Variants in SV2C observed in about 807,000 individuals in gnomAD.
SV2C encodes the protein solute carrier family 22 member B3.
Under a neutral mutation model 79.7 loss-of-function variants are expected in SV2C, and 49 were observed. The ratio of observed to expected loss-of-function variants is 0.61; its 90% CI spans 0.49 to 0.78. The LOEUF (loss-of-function observed/expected upper bound fraction) is 0.78. Ranked by LOEUF, SV2C falls within the 30% of genes least tolerant of loss-of-function variation. The pLI is 0.00. For synonymous variants in SV2C, 334 were observed against 333.2 expected (o/e 1.00, Z -0.03); for missense variants, 833 against 912.9 (o/e 0.91, Z 1.13).
At chr5:76,168,101 G>A (rs1743098167) in intron 2 of SV2C, among the ~76,000 whole-genome samples, 1 of 152,058 alleles carries the variant, frequency 6.6e-6, no homozygotes, top group Admixed American at 6.5e-5. Flanking sequence ...TCACCCTCAG[G>A]CTTCTTGACC....
At chr5:76,035,766 T>C in the SV2C span, among the ~76,000 whole-genome samples, 1 of 152,144 alleles carries the variant, frequency 6.6e-6, no homozygotes, top group Non-Finnish European at 1.5e-5. Flanking sequence ...TTAGGTCTGC[T>C]TGGTGCAGAG....
chr5:76,052,108 TG>T, the SV2C span, among the ~76,000 whole-genome samples: 367 of 152,272 alleles, frequency 2.4e-3, 2 homozygotes, highest in African/African-American at 7.8e-3. Flanking sequence ...TTGACACCAT[TG>T]GGAGCTATAT....
chr5:76,330,133 C>T lies in SV2C; in HGVS notation c.*4586C>T, dbSNP rs560285385. On this transcript the variant is annotated 3_prime_UTR_variant, in exon 13 of 13. Transcript: ENST00000502798. ...TGTCCCTTCATTGTTTCAGGTATGG[C>T]GTAACAGTTCTCCGTGTGATGTTCT... The T allele has an allele frequency of 1.3e-5, 2 of 151,692 alleles. No individual in the cohort carries two copies. The highest frequency in any genetic ancestry group is 6.6e-5 in the Admixed American group (1 of 15,246). 9.4% of individuals were successfully genotyped at this position (151,692 alleles called of 1,614,324 possible). A position where few individuals can be genotyped will look rare whatever the true frequency, so the allele number is the denominator to read the frequency against.
the SV2C span, among the ~76,000 whole-genome samples, chr5:75,926,718 T>A: frequency 6.6e-6 from 1 of 152,212 alleles, no homozygotes; most frequent in South Asian, 2.1e-4. Context: ...ATATGATCTG[T>A]ATTCCTGCCA....
At chr5:76,320,856 C>T (rs1331620681) in intron 12 of SV2C, among the ~76,000 whole-genome samples, 7 of 152,202 alleles carry the variant, frequency 4.6e-5, no homozygotes, top group Non-Finnish European at 7.4e-5. Context: ...TTCTTTCAGT[C>T]AGAGATTCTG....
the SV2C span, among the ~76,000 whole-genome samples, chr5:76,074,089 T>G: frequency 6.6e-6 from 1 of 152,128 alleles, no homozygotes; most frequent in Non-Finnish European, 1.5e-5. Context: ...CATTCAGAAC[T>G]TCCTCTGCAG....
At position 76,291,673 on chromosome 5, in the gene SV2C, A is replaced by C; in HGVS notation, c.1249-95A>C. On this transcript the variant is annotated intron_variant, in intron 7 of 12. Transcript: ENST00000502798. ...AAGGTGAAATGAATCCAACCCAATG[A>C]CAACTCAGCATTTTTTATAATTTGG... The C allele has an allele frequency of 3.7e-6, 3 of 819,984 alleles. No homozygotes were observed. The East Asian group carries it at 8.2e-5, about 22-fold the overall frequency. The allele number at this position is 819,984 out of a possible 1,614,324, so 50.8% of individuals were successfully genotyped here. A position where few individuals can be genotyped will look rare whatever the true frequency, so the allele number is the denominator to read the frequency against.
chr5:75,860,002 G>A, the SV2C span, among the ~76,000 whole-genome samples: 36 of 152,190 alleles, frequency 2.4e-4, 1 homozygote, highest in South Asian at 7.3e-3. Flanking sequence ...CCGAAGCTCC[G>A]GTCCCCTAGA....
At chr5:75,924,626 A>G in the SV2C span, among the ~76,000 whole-genome samples, 1 of 152,256 alleles carries the variant, frequency 6.6e-6, no homozygotes, top group African/African-American at 2.4e-5. Flanking sequence ...ATAACATACT[A>G]TGCAGCCCTT....
chr5:75,874,524 C>G, the SV2C span, among the ~76,000 whole-genome samples: 1 of 152,146 alleles, frequency 6.6e-6, no homozygotes, highest in African/African-American at 2.4e-5. Flanking sequence ...CTCACCACTT[C>G]TATTCAACAC....
the SV2C span, among the ~76,000 whole-genome samples, chr5:75,876,211 C>T: frequency 6.6e-6 from 1 of 152,100 alleles, no homozygotes; most frequent in Non-Finnish European, 1.5e-5. Flanking sequence ...AAACATGGTA[C>T]ATATACATCA....
chr5:76,019,494 C>T, the SV2C span, among the ~76,000 whole-genome samples: 2 of 152,106 alleles, frequency 1.3e-5, no homozygotes, highest in African/African-American at 2.4e-5. Flanking sequence ...AGGTAATAAA[C>T]CTTCAAACGT....
At chr5:76,088,095 C>G (rs987009322) in intron 1 of SV2C, among the ~76,000 whole-genome samples, 1 of 152,206 alleles carries the variant, frequency 6.6e-6, no homozygotes, top group Non-Finnish European at 1.5e-5. Context: ...TCCCCAGCAA[C>G]CTTCAATCAT....
the SV2C span, among the ~76,000 whole-genome samples, chr5:75,924,374 CA>C: frequency 6.6e-6 from 1 of 151,938 alleles, no homozygotes; most frequent in Non-Finnish European, 1.5e-5. Flanking sequence ...TCCATGTAAC[CA>C]AAAACCATCT....
At chr5:76,169,843 G>T (rs1271613576) in intron 2 of SV2C, among the ~76,000 whole-genome samples, 2 of 152,174 alleles carry the variant, frequency 1.3e-5, no homozygotes, top group Non-Finnish European at 2.9e-5. Context: ...TAGTGGAATA[G>T]TGGTGTCAAT....
intron 3 of SV2C, among the ~76,000 whole-genome samples, chr5:76,207,892 G>A (rs532840137): frequency 7.2e-5 from 11 of 152,306 alleles, no homozygotes; most frequent in Admixed American, 3.3e-4. Context: ...CATTGTATGA[G>A]CTCCTCAAGA....
intron 1 of SV2C, among the ~76,000 whole-genome samples, chr5:76,124,205 C>A (rs2112169152): frequency 6.6e-6 from 1 of 152,264 alleles, no homozygotes; most frequent in East Asian, 1.9e-4. Context: ...TACCATTCAT[C>A]TCCATCACTC....
the SV2C span, among the ~76,000 whole-genome samples, chr5:75,977,854 C>T: frequency 3.0e-4 from 45 of 152,122 alleles, no homozygotes; most frequent in Admixed American, 2.0e-3. Context: ...CCTCTCCTCT[C>T]GAATTATCAC....
At chr5:75,947,693 A>C in the SV2C span, among the ~76,000 whole-genome samples, 11 of 152,030 alleles carry the variant, frequency 7.2e-5, no homozygotes, top group Non-Finnish European at 1.5e-4. Context: ...ATTAGAGCAA[A>C]TGTAATTTTT....
Sources: allele counts gnomAD v4.1 joint callset (sites outside exome capture counted in the v4.1 genomes callset), GRCh38; gene constraint gnomAD v4.1.1; transcripts MANE v1.5; gene names NCBI Gene and HGNC (gene_info 2026-07-23, HGNC 2026-07-21).